Variants in BFSP1 observed in about 807,000 individuals in gnomAD.
BFSP1 encodes beaded filament structural protein 1.
BFSP1 carries 38 observed loss-of-function variants against 43.9 expected under a neutral mutation model. That is an observed-to-expected ratio of 0.87 (90% CI 0.67 to 1.14). The LOEUF is 1.14. Ranked by LOEUF, BFSP1 falls within the 50% of genes most tolerant of loss-of-function variation. The pLI is 0.00. For missense variants in BFSP1, 850 were observed against 875.1 expected, an observed-to-expected ratio of 0.97 and a Z score of 0.36; for synonymous variants, 352 against 354.8, an observed-to-expected ratio of 0.99 and a Z score of 0.09.
chr20:17,544,053 C>T (rs1048107496), intron 1 of BFSP1, among the ~76,000 whole-genome samples: 6 of 152,156 alleles, frequency 3.9e-5, no homozygotes, highest in East Asian at 1.9e-4. Flanking sequence ...AAGCCAACTC[C>T]GTGGCAAGGA....
chr20:17,561,566 G>C (rs968816833), upstream of BFSP1, among the ~76,000 whole-genome samples: 2 of 152,078 alleles, frequency 1.3e-5, no homozygotes, highest in Non-Finnish European at 2.9e-5. Context: ...AGATCCCCAG[G>C]ATATAGTGCT....
chr20:17,560,961 T>C (rs2035061839), upstream of BFSP1, among the ~76,000 whole-genome samples: 1 of 152,234 alleles, frequency 6.6e-6, no homozygotes, highest in Non-Finnish European at 1.5e-5. Flanking sequence ...TATTCTGAGC[T>C]TTTAGAAAAA....
chr20:17,494,162 T>TTCCACG lies in BFSP1; in HGVS notation c.1909_1910insCGTGGA (p.Gln637delinsProTrpLys). On this transcript the variant is annotated protein_altering_variant, in exon 8 of 8. Coordinates refer to ENST00000377873, the MANE Select transcript of BFSP1 (RefSeq NM_001195.5). ...GATCACAGCGGTTTCTTCATATGTC[T>TTCCACG]GAATGCTCTCCGTGGAAATCTTCTC... The TTCCACG allele has an allele frequency of 6.2e-7, 1 of 1,614,198 alleles. No homozygotes were observed. The highest frequency in any genetic ancestry group is 8.5e-7 in the Non-Finnish European group (1 of 1,180,036).
chr20:17,557,367 C>A lies in BFSP1; in HGVS notation c.2+1321G>T, dbSNP rs74542502. On this transcript the variant is annotated intron_variant, in intron 1 of 7. Transcript: ENST00000377868. Reference sequence around the variant, plus strand: ...CATTGCATATCCCTTCCCACCTGCACTGGTGTTGCAGACCATGGGGGGCAC... The same window carrying A: ...CATTGCATATCCCTTCCCACCTGCAATGGTGTTGCAGACCATGGGGGGCAC... 7.2e-3 allele frequency among the ~76,000 whole-genome samples: 1,093 copies of A among 152,324 alleles called. 4 individuals are homozygous for A. Among genetic ancestry groups the A allele is most frequent in the Non-Finnish European group, 0.012 (810 of 68,032 alleles).
upstream of BFSP1, among the ~76,000 whole-genome samples, chr20:17,561,104 T>TAA (rs746002911): frequency 2.6e-5 from 4 of 152,166 alleles, no homozygotes; most frequent in Non-Finnish European, 4.4e-5. Context: ...CATCTATCCT[T>TAA]AAAAAAATGC....
chr20:17,503,719 A>G (rs911173361), intron 5 of BFSP1, among the ~76,000 whole-genome samples: 9 of 152,136 alleles, frequency 5.9e-5, no homozygotes, highest in Non-Finnish European at 1.2e-4. Flanking sequence ...AGGCAACAAT[A>G]TGCAAGCACA....
chr20:17,513,495 G>A (rs1227222187), intron 3 of BFSP1, among the ~76,000 whole-genome samples: 1 of 152,184 alleles, frequency 6.6e-6, no homozygotes, highest in African/African-American at 2.4e-5. Flanking sequence ...ATCAAGTAGG[G>A]TAGAAGCAAG....
In BFSP1 at chr20:17,507,509, G is replaced by A. The variant is rs925060587; in HGVS notation, c.735+1380C>T. On this transcript the variant is annotated intron_variant, in intron 5 of 7. Coordinates refer to ENST00000377873, the MANE Select transcript of BFSP1 (RefSeq NM_001195.5). The surrounding 1 kb of genome is among the most constrained non-coding windows in gnomAD (Gnocchi z 4.4). ...GTCACTAGCCATTTGGAAAACACTGGTCTCTAGGACCACGACTGGGCTTGT... is the reference window on the plus strand; with the variant it reads ...GTCACTAGCCATTTGGAAAACACTGATCTCTAGGACCACGACTGGGCTTGT... Among the ~76,000 whole-genome samples the A allele has an allele frequency of 6.6e-6, 1 of 151,866 alleles. No homozygotes were observed. Among genetic ancestry groups the A allele is most frequent in the Non-Finnish European group, 1.5e-5 (1 of 67,986 alleles).
chr20:17,547,897 A>ATTT lies in BFSP1; in HGVS notation c.2+10788_2+10790dup, dbSNP rs71192391. 6.4e-3 allele frequency among the ~76,000 whole-genome samples: 656 copies of ATTT among 101,846 alleles called. 4 individuals carry two copies. The highest frequency in any genetic ancestry group is 9.9e-3 in the African/African-American group (255 of 25,792). The allele number at this position is 101,846 out of a possible 152,430, so 66.8% of individuals were successfully genotyped here. On this transcript the variant is annotated intron_variant, in intron 1 of 7. Transcript: ENST00000377868. ...AGGCTTATGCCACCATGCCCGGCCA[A>ATTT]TTTTTTTTTTTTTTTTTTTTTTGTA...
At chr20:17,495,329 AG>A (rs1232951395) in intron 7 of BFSP1, among the ~76,000 whole-genome samples, 1 of 152,172 alleles carries the variant, frequency 6.6e-6, no homozygotes. Context: ...GAACCTACCA[AG>A]GTATGCAAGG....
intron 2 of BFSP1, among the ~76,000 whole-genome samples, chr20:17,517,876 G>A (rs762848411): frequency 9.9e-5 from 15 of 152,190 alleles, no homozygotes; most frequent in Non-Finnish European, 2.2e-4. Context: ...CTCTATGGGA[G>A]CAATTTTCGG....
intron 1 of BFSP1, among the ~76,000 whole-genome samples, chr20:17,527,523 C>T (rs1263448247): frequency 1.3e-5 from 2 of 152,190 alleles, no homozygotes; most frequent in Non-Finnish European, 1.5e-5. Context: ...GTCAGGAGAT[C>T]GAGACCATCC....
chr20:17,558,781 C>A (rs2035036916), exon 1 of BFSP1: 2 of 1,534,978 alleles, frequency 1.3e-6, no homozygotes, highest in Middle Eastern at 3.4e-4. Flanking sequence ...AGGTACCCTG[C>A]CTACCCAGGA....
chr20:17,516,495 C>T (rs1171773803), intron 2 of BFSP1, among the ~76,000 whole-genome samples: 1 of 152,186 alleles, frequency 6.6e-6, no homozygotes, highest in East Asian at 1.9e-4. Context: ...GCTTTCCATG[C>T]AAAGTGTTCT....
chr20:17,535,158 G>GT (rs1249384707), upstream of BFSP1, among the ~76,000 whole-genome samples: 2 of 152,144 alleles, frequency 1.3e-5, no homozygotes, highest in African/African-American at 4.8e-5. Flanking sequence ...ACATAAAATT[G>GT]TATCAAGATT....
intron 1 of BFSP1, among the ~76,000 whole-genome samples, chr20:17,541,382 T>G (rs1177147055): frequency 6.6e-6 from 1 of 152,172 alleles, no homozygotes; most frequent in Non-Finnish European, 1.5e-5. Context: ...CCACATTCGC[T>G]GATTGGGCTG....
Position 17,524,843 on chromosome 20 carries a change from C to T in BFSP1, c.438+5G>A, listed in dbSNP as rs757685748. The T allele has an allele frequency of 1.9e-6, 3 of 1,613,828 alleles. No individual in the cohort carries two copies. The highest frequency in any genetic ancestry group is 1.7e-5 in the Admixed American group (1 of 60,024). ...TACGTAAACCCAAGGATGTGTTCCGCTCACCTTGTTAAGCCGTTCAAGCAT... is the reference window on the plus strand; with the variant it reads ...TACGTAAACCCAAGGATGTGTTCCGTTCACCTTGTTAAGCCGTTCAAGCAT... On this transcript the variant is annotated splice_donor_5th_base_variant and intron_variant, in intron 2 of 7. Coordinates refer to ENST00000377873, the MANE Select transcript of BFSP1 (RefSeq NM_001195.5).
chr20:17,535,742 C>T (rs535972516), upstream of BFSP1, among the ~76,000 whole-genome samples: 1 of 152,108 alleles, frequency 6.6e-6, no homozygotes, highest in South Asian at 2.1e-4. Context: ...AAATTATTTT[C>T]CAAAACACCT....
In BFSP1 at chr20:17,512,011, G is replaced by T. The variant is rs1206397350; in HGVS notation, c.592C>A (p.Pro198Thr). ...SILQQIIHTT[P>T]PASIVTSGMR... ...CCACTCGTCACAATGGATGCTGGAG[G>T]AGTGGTGTGGATGATCTGCTGCAGG... The change falls in exon 4 of 8, where the codon CCT becomes ACT. Residue 198 changes from proline to threonine, a missense_variant. Coordinates refer to ENST00000377873, the MANE Select transcript of BFSP1 (RefSeq NM_001195.5). The T allele has an allele frequency of 6.2e-7, 1 of 1,612,316 alleles. No homozygotes were observed. Among genetic ancestry groups the T allele is most frequent in the Non-Finnish European group, 8.5e-7 (1 of 1,178,396 alleles).
Sources: gnomAD v4.1 joint callset for allele counts (sites outside exome capture counted in the v4.1 genomes callset) on GRCh38, gnomAD v4.1.1 for gene constraint, Gnocchi (gnomAD v3.1) non-coding constraint, MANE v1.5 for transcripts, NCBI Gene and HGNC (gene_info 2026-07-23, HGNC 2026-07-21) for gene names.